The following ITGA9 variants were observed in gnomAD, a reference collection of about 807,000 sequenced individuals.
ITGA9 encodes the protein integrin subunit alpha 9.
Under a neutral mutation model 127.8 loss-of-function variants are expected in ITGA9, and 56 were observed. The ratio of observed to expected loss-of-function variants is 0.44; its 90% confidence interval spans 0.35 to 0.55. The LOEUF is 0.55. Among genes scored for constraint, ITGA9 ranks in the 20% least tolerant of loss-of-function variants. The pLI is 0.00. For synonymous variants in ITGA9, 508 were observed against 514.5 expected (o/e 0.99, Z 0.17); for missense variants, 1,196 against 1,347.1 (o/e 0.89, Z 1.76).
intron 26 of ITGA9, among the ~76,000 whole-genome samples, chr3:37,788,168 C>T (rs1697063812): frequency 6.6e-6 from 1 of 152,214 alleles, no homozygotes; most frequent in Non-Finnish European, 1.5e-5. Context: ...TTGAATTCTT[C>T]AGCATCTTCT....
intron 15 of ITGA9, among the ~76,000 whole-genome samples, chr3:37,563,080 G>T (rs1699510010): frequency 6.6e-6 from 1 of 152,128 alleles, no homozygotes; most frequent in South Asian, 2.1e-4. Context: ...GTTAGGAGAA[G>T]CTGGAGTATT....
intron 15 of ITGA9, among the ~76,000 whole-genome samples, chr3:37,585,278 T>A (rs1468021058): frequency 1.3e-5 from 2 of 152,176 alleles, no homozygotes. Context: ...CAGTAGGTGC[T>A]CAATAAGTGC....
intron 23 of ITGA9, among the ~76,000 whole-genome samples, chr3:37,766,265 G>T (rs544156421): frequency 6.6e-6 from 1 of 152,338 alleles, no homozygotes; most frequent in East Asian, 1.9e-4. Context: ...CTGCCTCAAT[G>T]TTGTTAGACG....
chr3:37,752,183 C>T (rs928940521), intron 23 of ITGA9, among the ~76,000 whole-genome samples: 2 of 152,230 alleles, frequency 1.3e-5, no homozygotes, highest in Non-Finnish European at 2.9e-5. Context: ...CTCAGTAGGG[C>T]CTGAGAATGC....
intron 10 of ITGA9, 80 bp downstream of exon 10, chr3:37,517,689 A>C: frequency 5.0e-6 from 5 of 1,008,744 alleles, no homozygotes; most frequent in Non-Finnish European, 7.6e-6. Context: ...CTGCTCGCTG[A>C]CTGTCCATCT....
intron 1 of ITGA9, among the ~76,000 whole-genome samples, chr3:37,470,140 G>GTT (rs71288094): frequency 0.47 from 62,271 of 132,944 alleles, 15,032 homozygotes; most frequent in African/African-American, 0.53. Context: ...GTTTCTTCTT[G>GTT]TTTTTTTTTT....
intron 17 of ITGA9, among the ~76,000 whole-genome samples, chr3:37,678,967 G>A (rs1371791769): frequency 6.6e-6 from 1 of 152,086 alleles, no homozygotes; most frequent in Non-Finnish European, 1.5e-5. Context: ...CTAAACTTAA[G>A]TACAAACCCA....
chr3:37,474,756 G>A (rs1698474887), intron 3 of ITGA9, among the ~76,000 whole-genome samples: 1 of 152,220 alleles, frequency 6.6e-6, no homozygotes, highest in African/African-American at 2.4e-5. Context: ...GCCGCTTATG[G>A]AGGGCTTCAT....
intron 17 of ITGA9, among the ~76,000 whole-genome samples, chr3:37,669,815 G>C (rs1022744409): frequency 6.6e-5 from 10 of 152,190 alleles, no homozygotes; most frequent in Admixed American, 1.3e-4. Context: ...TTCCACTGAG[G>C]CTTTGTTTTT....
chr3:37,692,183 C>G (rs2125667833), intron 18 of ITGA9, among the ~76,000 whole-genome samples: 1 of 152,246 alleles, frequency 6.6e-6, no homozygotes, highest in East Asian at 1.9e-4. Context: ...ATGGGTACTA[C>G]CATGGTAGTC....
In ITGA9 at chr3:37,750,535, G is replaced by A. The variant is rs768075694; in HGVS notation, c.2507G>A (p.Gly836Asp). 1.2e-6 allele frequency: 2 copies of A among 1,613,466 alleles called. No homozygotes were observed. The highest frequency in any genetic ancestry group is 1.7e-6 in the Non-Finnish European group (2 of 1,179,372). ...TCTTTCCCTAATCGACTCTCATCTG[G>A]TGGTGCAGAGATGTTTCATGTCCAG... The part of the protein sequence containing the change: ...SISFPNRLSS[G>D]GAEMFHVQEM... Residue 836 changes from glycine (G) to aspartate (D), a missense_variant, in exon 23 of 28, where the codon GGT becomes GAT. Gly to Asp is a moderately conservative substitution (Grantham distance 94). Transcript: ENST00000264741.
chr3:37,599,241 G>A (rs531029884), intron 15 of ITGA9, among the ~76,000 whole-genome samples: 1 of 152,346 alleles, frequency 6.6e-6, no homozygotes, highest in South Asian at 2.1e-4. Context: ...CTCTGGGTTA[G>A]CTGGATAGTT....
intron 18 of ITGA9, among the ~76,000 whole-genome samples, chr3:37,691,639 G>A (rs773758810): frequency 1.1e-4 from 16 of 152,146 alleles, no homozygotes; most frequent in Non-Finnish European, 2.2e-4. Flanking sequence ...ACCAGCCTGT[G>A]ACCTCCAGCC....
At chr3:37,743,023 T>A (rs984537469) in intron 21 of ITGA9, among the ~76,000 whole-genome samples, 1 of 152,140 alleles carries the variant, frequency 6.6e-6, no homozygotes, top group Non-Finnish European at 1.5e-5. Flanking sequence ...AGACACTTGA[T>A]CATGTAATCA....
chr3:37,716,693 CTA>C (rs1397850288), intron 18 of ITGA9, among the ~76,000 whole-genome samples: 1 of 150,788 alleles, frequency 6.6e-6, no homozygotes, highest in Non-Finnish European at 1.5e-5. Context: ...AAAAATGACT[CTA>C]TTGAGATTGA....
chr3:37,614,913 A>G (rs1023103160), intron 15 of ITGA9, among the ~76,000 whole-genome samples: 17 of 152,200 alleles, frequency 1.1e-4, no homozygotes, highest in African/African-American at 4.1e-4. Context: ...ATCTGCAAAC[A>G]GGGACAATTT....
At chr3:37,500,126 C>A (rs549012851) in intron 5 of ITGA9, among the ~76,000 whole-genome samples, 1 of 152,166 alleles carries the variant, frequency 6.6e-6, no homozygotes, top group Non-Finnish European at 1.5e-5. Context: ...TTTCCAAGCT[C>A]AAGGCCAGGA....
Position 37,680,011 on chromosome 3 carries a change from A to G in ITGA9, c.1917-3854A>G, listed in dbSNP as rs371459946. On this transcript the variant is annotated intron_variant, in intron 17 of 27. Transcript: ENST00000264741. The stretch of plus-strand genomic sequence containing the variant: ...ATGGGAGGATTTATTTCACCTAGGC[A>G]GGGAGATCAGGAAGGATCCCCTGGG... Among the ~76,000 whole-genome samples, 10 of 152,296 alleles carry G rather than the reference A, an allele frequency of 6.6e-5. No individual in the cohort carries two copies. The East Asian group carries it at 1.9e-3, about 29-fold the overall frequency.
At chr3:37,631,496 C>T (rs1700229642) in intron 16 of ITGA9, among the ~76,000 whole-genome samples, 1 of 152,192 alleles carries the variant, frequency 6.6e-6, no homozygotes, top group South Asian at 2.1e-4. Context: ...TCTGTGCCTT[C>T]TGGTACCCCA....
Sources: gnomAD v4.1 joint callset for allele counts (sites outside exome capture counted in the v4.1 genomes callset) on GRCh38, gnomAD v4.1.1 for gene constraint, MANE v1.5 for transcripts, NCBI Gene and HGNC (gene_info 2026-07-23, HGNC 2026-07-21) for gene names.